The following ZNF251 variants were observed in gnomAD, a reference collection of about 807,000 sequenced individuals.
ZNF251 encodes the protein zinc finger protein 251.
ZNF251 carries 14 observed loss-of-function variants against 13.5 expected under a neutral mutation model. The ratio of observed to expected loss-of-function variants is 1.04; its 90% CI spans 0.69 to 1.63. The LOEUF is 1.63. Among genes scored for constraint, ZNF251 ranks in the 40% most tolerant of loss-of-function variants. The pLI, the probability that ZNF251 is intolerant of heterozygous loss-of-function variation, is 0.00. For synonymous variants in ZNF251, 287 were observed against 295.2 expected (o/e 0.97, Z 0.28); for missense variants, 764 against 834.9 (o/e 0.92, Z 1.05).
intron 4 of ZNF251, among the ~76,000 whole-genome samples, chr8:144,749,415 G>A (rs970264789): frequency 6.6e-6 from 1 of 152,086 alleles, no homozygotes; most frequent in Non-Finnish European, 1.5e-5. Context: ...AGCCTGGGAG[G>A]TCAAAGCTTT....
At chr8:144,745,062 G>A (rs947990187) in intron 4 of ZNF251, among the ~76,000 whole-genome samples, 2 of 152,114 alleles carry the variant, frequency 1.3e-5, no homozygotes, top group Non-Finnish European at 2.9e-5. Flanking sequence ...ATATGGAGGG[G>A]GACGGGGAGC....
At chr8:144,729,010 C>T (rs1442774311) in intron 4 of ZNF251, among the ~76,000 whole-genome samples, 4 of 150,288 alleles carry the variant, frequency 2.7e-5, no homozygotes, top group African/African-American at 9.8e-5. Flanking sequence ...ATCACTAGAA[C>T]CTGGGAGGCG....
intron 4 of ZNF251, chr8:144,753,384 T>A (rs1586712465): frequency 7.6e-6 from 2 of 262,024 alleles, no homozygotes; most frequent in East Asian, 1.4e-4. Flanking sequence ...ATATCTATTG[T>A]CAAAAGGAAA....
chr8:144,744,006 T>C (rs950559549), intron 4 of ZNF251, among the ~76,000 whole-genome samples: 4 of 144,752 alleles, frequency 2.8e-5, no homozygotes, highest in Non-Finnish European at 4.5e-5. Context: ...ATTCTCTCGT[T>C]GTCTTTTTTT....
intron 4 of ZNF251, among the ~76,000 whole-genome samples, chr8:144,747,173 T>A (rs1477008304): frequency 1.3e-5 from 2 of 152,224 alleles, no homozygotes; most frequent in Non-Finnish European, 2.9e-5. Flanking sequence ...CATTTTCACT[T>A]AATTCAAAAT....
Position 144,753,757 on chromosome 8 carries a change from T to C in ZNF251, c.203A>G (p.Glu68Gly). 1 of 1,596,392 alleles carries C rather than the reference T, an allele frequency of 6.3e-7. No individual in the cohort carries two copies. Among genetic ancestry groups the C allele is most frequent in the Non-Finnish European group, 8.5e-7 (1 of 1,170,872 alleles). Reference protein sequence around the residue: ...VPKPELISQLEQGKELWVLNL... With the variant: ...VPKPELISQLGQGKELWVLNL... Reference sequence around the variant, plus strand: ...CAGGACCCAAAGTTCCTTCCCCTGCTCCAGCTGGGAGATCAACTCCGGCTT... The same window carrying C: ...CAGGACCCAAAGTTCCTTCCCCTGCCCCAGCTGGGAGATCAACTCCGGCTT... The change falls in exon 4 of 5, where the codon GAG becomes GGG. Residue 68 changes from glutamate (E) to glycine (G), a missense_variant. Glu to Gly is a moderately conservative substitution (Grantham distance 98). Coordinates refer to ENST00000292562, the MANE Select transcript of ZNF251 (RefSeq NM_138367.2).
chr8:144,748,895 G>C (rs1053057482), intron 4 of ZNF251, among the ~76,000 whole-genome samples: 4 of 152,160 alleles, frequency 2.6e-5, no homozygotes, highest in African/African-American at 9.7e-5. Flanking sequence ...GTTGGGGCCA[G>C]GCACTGTGGC....
chr8:144,730,912 GC>G (rs765129164), intron 4 of ZNF251, among the ~76,000 whole-genome samples: 2 of 152,212 alleles, frequency 1.3e-5, no homozygotes, highest in African/African-American at 2.4e-5. Context: ...AAGATCTCAT[GC>G]CATTCAGACA....
Position 144,722,386 on chromosome 8 carries a change from C to T in ZNF251, c.1274G>A (p.Arg425Lys). 1 of 1,613,922 alleles carries T rather than the reference C, an allele frequency of 6.2e-7. No homozygotes were observed. Among genetic ancestry groups the T allele is most frequent in the Non-Finnish European group, 8.5e-7 (1 of 1,179,892 alleles). Residue 425 changes from arginine (R) to lysine (K), a missense_variant, in exon 5 of 5, where the codon AGG becomes AAG. By Grantham distance (26) the Arg-to-Lys change is conservative. Transcript: ENST00000292562. This position sits in a 1 kb window ranked among gnomAD's most constrained non-coding sequence, Gnocchi z 4.8. The part of the protein sequence containing the change: ...GFNSHLTEHV[R>K]IHTGEKPYVC... The stretch of plus-strand genomic sequence containing the variant: ...ATAGGGTTTTTCTCCTGTGTGAATC[C>T]TTACGTGTTCAGTAAGATGAGAGTT...
chr8:144,755,165 G>A, intron 1 of ZNF251: 1 of 1,178,640 alleles, frequency 8.5e-7, no homozygotes, highest in Non-Finnish European at 1.1e-6. Context: ...AGGAGGCCGC[G>A]GGGATGCTGC....
In ZNF251 at chr8:144,745,188, C is replaced by CTT. The variant is rs746070716; in HGVS notation, c.277+8493_277+8494dup. Among the ~76,000 whole-genome samples, 132 of 114,594 alleles carry CTT rather than the reference C, an allele frequency of 1.2e-3. 1 individual carries two copies. Among genetic ancestry groups the CTT allele is most frequent in the African/African-American group, 1.8e-3 (59 of 32,284 alleles). The allele number at this position is 114,594 out of a possible 152,430, so 75.2% of individuals were successfully genotyped here. Reference sequence around the variant, plus strand: ...ATTTTTTGTGATGGGTGTCTAGATTCTTTTTTTTTTTTTTTTTTTGGCACG... The same window carrying CTT: ...ATTTTTTGTGATGGGTGTCTAGATTCTTTTTTTTTTTTTTTTTTTTTGGCACG... On this transcript the variant is annotated intron_variant, in intron 4 of 4. Transcript: ENST00000292562.
At position 144,722,375 on chromosome 8, in the gene ZNF251, C is replaced by A. The variant is rs777181597; in HGVS notation, c.1285G>T (p.Gly429Ter). 1.4e-5 allele frequency: 22 copies of A among 1,613,880 alleles called. No homozygotes were observed. The East Asian group carries it at 4.9e-4, about 36-fold the overall frequency. The change falls in exon 5 of 5, where the codon GGA (glycine) becomes TGA (stop). Residue 429 changes from glycine (G) to a stop codon, truncating the protein, a stop_gained. Coordinates refer to ENST00000292562, the MANE Select transcript of ZNF251 (RefSeq NM_138367.2). LOFTEE classifies it low-confidence loss of function (END_TRUNC). This position sits in a 1 kb window ranked among gnomAD's most constrained non-coding sequence, Gnocchi z 4.8. ...HLTEHVRIHT[G>*]EKPYVCNECG... ...TCATTACAAACATAGGGTTTTTCTC[C>A]TGTGTGAATCCTTACGTGTTCAGTA... is the stretch of plus-strand genomic sequence containing the variant.
At chr8:144,733,063 A>G (rs1292168733) in intron 4 of ZNF251, among the ~76,000 whole-genome samples, 1 of 151,596 alleles carries the variant, frequency 6.6e-6, no homozygotes, top group Non-Finnish European at 1.5e-5. Flanking sequence ...CTCCACTAAA[A>G]ATACAAAAAT....
intron 4 of ZNF251, among the ~76,000 whole-genome samples, chr8:144,732,066 C>A (rs925649232): frequency 1.3e-5 from 2 of 151,848 alleles, no homozygotes; most frequent in Non-Finnish European, 2.9e-5. Context: ...CCTCAGCCTC[C>A]GGAGTAGCTG....
In ZNF251 at chr8:144,754,466, G is replaced by C. The variant is rs187582152; in HGVS notation, c.34-145C>G. On this transcript the variant is annotated intron_variant, in intron 2 of 4. Transcript: ENST00000292562. ...GTATCAGCAGGTCCCTGATGGGGCA[G>C]CTGAGAGCGCTGAGGACCAGCCAAC... The C allele has an allele frequency of 1.4e-4, 208 of 1,444,826 alleles. No homozygotes were observed. In the East Asian group the frequency reaches 5.0e-3, roughly 35 times the overall value. 89.5% of individuals were successfully genotyped at this position (1,444,826 alleles called of 1,614,324 possible). A position where few individuals can be genotyped will look rare whatever the true frequency, so the allele number is the denominator to read the frequency against.
rs1017245599 is a variant in ZNF251 at position 144,755,420 on chromosome 8, G to A, written c.-91C>T. ...ACTGCCCCACCTGTTTGCTCGACCCGGGGAAGCCACCGAGGAAGCGCCGAG... is the reference window on the plus strand; with the variant it reads ...ACTGCCCCACCTGTTTGCTCGACCCAGGGAAGCCACCGAGGAAGCGCCGAG... On this transcript the variant is annotated 5_prime_UTR_variant, in exon 1 of 5. Coordinates refer to ENST00000292562, the MANE Select transcript of ZNF251 (RefSeq NM_138367.2). 7.8e-6 allele frequency: 10 copies of A among 1,287,910 alleles called. No homozygotes were observed. The highest frequency in any genetic ancestry group is 1.0e-5 in the Non-Finnish European group (10 of 988,810). 79.8% of individuals were successfully genotyped at this position (1,287,910 alleles called of 1,614,324 possible).
intron 4 of ZNF251, 81 bp from the exon 5 acceptor site, chr8:144,723,463 T>A: frequency 9.3e-7 from 1 of 1,073,698 alleles, no homozygotes; most frequent in Non-Finnish European, 1.2e-6. Context: ...GAAGCTCCTA[T>A]AAACCATCAT....
At position 144,721,523 on chromosome 8, in the gene ZNF251, T is replaced by A; in HGVS notation, c.*121A>T. The stretch of plus-strand genomic sequence containing the variant: ...GATTTAATGACTTTGACTTTAGTAG[T>A]CATCTGAACTATTTATTTTACTTTG... On this transcript the variant is annotated 3_prime_UTR_variant, in exon 5 of 5. Transcript: ENST00000292562. 1 of 1,006,518 alleles carries A rather than the reference T, an allele frequency of 9.9e-7. No homozygotes were observed. Among genetic ancestry groups the A allele is most frequent in the Non-Finnish European group, 1.3e-6 (1 of 776,826 alleles). 62.3% of individuals were successfully genotyped at this position (1,006,518 alleles called of 1,614,324 possible). A position where few individuals can be genotyped will look rare whatever the true frequency, so the allele number is the denominator to read the frequency against.
intron 4 of ZNF251, among the ~76,000 whole-genome samples, chr8:144,743,858 C>T (rs939015492): frequency 2.2e-4 from 33 of 152,264 alleles, no homozygotes; most frequent in African/African-American, 7.7e-4. Context: ...TCCTTCCATT[C>T]GGAGCCTATT....
Sources: allele counts gnomAD v4.1 joint callset (sites outside exome capture counted in the v4.1 genomes callset), GRCh38; gene constraint gnomAD v4.1.1; non-coding constraint Gnocchi (gnomAD v3.1); transcripts MANE v1.5; gene names NCBI Gene and HGNC (gene_info 2026-07-23, HGNC 2026-07-21).